The following SLC7A1 variants were observed in gnomAD, a reference collection of about 807,000 sequenced individuals.
The protein encoded by SLC7A1 is high affinity cationic amino acid transporter 1.
In SLC7A1, 10 loss-of-function variants were observed where a neutral mutation model predicts 53.9. The ratio of observed to expected loss-of-function variants is 0.19; its 90% CI spans 0.11 to 0.31. SLC7A1 has a LOEUF of 0.31. Ranked by LOEUF, SLC7A1 falls within the 10% of genes least tolerant of loss-of-function variation. The probability of loss-of-function intolerance (pLI) is 1.00; values close to 1 mark genes in which losing one functional copy is unlikely to be tolerated. For synonymous variants in SLC7A1, 342 were observed against 338.7 expected (o/e 1.01, Z -0.11); for missense variants, 525 against 827.2 (o/e 0.63, Z 4.48).
At chr13:29,514,699 T>C (rs915383508) in intron 12 of SLC7A1, 116 bp from the exon 13 acceptor site, 13 of 718,284 alleles carry the variant, frequency 1.8e-5, no homozygotes, top group Admixed American at 1.7e-4. Flanking sequence ...TGCCCCTGCC[T>C]GGCATGAGCC....
intron 12 of SLC7A1, among the ~76,000 whole-genome samples, chr13:29,514,905 C>T (rs1222495239): frequency 2.0e-5 from 3 of 152,210 alleles, no homozygotes; most frequent in South Asian, 4.1e-4. Context: ...CTGATGCCCC[C>T]GGAGGCCACG....
At chr13:29,537,049 C>T (rs893378524) in intron 2 of SLC7A1, among the ~76,000 whole-genome samples, 6 of 152,234 alleles carry the variant, frequency 3.9e-5, no homozygotes, top group East Asian at 3.8e-4. Context: ...CCACCTTGCC[C>T]GACCAGATGC....
chr13:29,525,546 AACAG>A (rs1316363408), intron 5 of SLC7A1, among the ~76,000 whole-genome samples: 6 of 152,210 alleles, frequency 3.9e-5, no homozygotes, highest in Non-Finnish European at 4.4e-5. Flanking sequence ...TGGCTGATAA[AACAG>A]ACAGACAGAC....
In SLC7A1 at chr13:29,510,534, C is replaced by G. The variant is rs1448419729; in HGVS notation, c.*3946G>C. The G allele has an allele frequency of 6.6e-6, 1 of 152,202 alleles. No individual in the cohort carries two copies. Among genetic ancestry groups the G allele is most frequent in the East Asian group, 1.9e-4 (1 of 5,192 alleles). 9.4% of individuals were successfully genotyped at this position (152,202 alleles called of 1,614,324 possible). Reference sequence around the variant, plus strand: ...TTTTAAATTACACGTAACAATTATACATAGTGTATATCCAGATCCGTCTGC... The same window carrying G: ...TTTTAAATTACACGTAACAATTATAGATAGTGTATATCCAGATCCGTCTGC... On this transcript the variant is annotated 3_prime_UTR_variant, in exon 13 of 13. Coordinates refer to ENST00000380752, the MANE Select transcript of SLC7A1 (RefSeq NM_003045.5).
At chr13:29,592,087 C>T (rs142371142) in intron 1 of SLC7A1, among the ~76,000 whole-genome samples, 1 of 152,302 alleles carries the variant, frequency 6.6e-6, no homozygotes, top group East Asian at 1.9e-4. Context: ...AAGCCAGGAG[C>T]GGTGCTGTTC....
At chr13:29,517,022 C>G in intron 11 of SLC7A1, 122 bp downstream of exon 11, 1 of 877,954 alleles carries the variant, frequency 1.1e-6, no homozygotes, top group East Asian at 2.7e-5. Flanking sequence ...TTACCTGAAG[C>G]TGGCTAGCAA....
intron 12 of SLC7A1, 61 bp from the exon 13 acceptor site, chr13:29,514,644 G>A: frequency 1.5e-6 from 2 of 1,320,664 alleles, no homozygotes; most frequent in South Asian, 2.5e-5. Context: ...CGCAGGCAGG[G>A]CTCAGAGCCC....
chr13:29,550,293 G>T (rs973702495), intron 2 of SLC7A1, among the ~76,000 whole-genome samples: 1 of 152,144 alleles, frequency 6.6e-6, no homozygotes, highest in Non-Finnish European at 1.5e-5. Context: ...TGGCTGCAAG[G>T]GTAAATGAGT....
At chr13:29,573,337 A>C (rs1205103767) in intron 1 of SLC7A1, among the ~76,000 whole-genome samples, 1 of 152,194 alleles carries the variant, frequency 6.6e-6, no homozygotes, top group African/African-American at 2.4e-5. Flanking sequence ...GCACACCCAG[A>C]GGCACGTGTT....
intron 1 of SLC7A1, among the ~76,000 whole-genome samples, chr13:29,577,649 C>A (rs1434009982): frequency 1.3e-5 from 2 of 152,218 alleles, no homozygotes; most frequent in African/African-American, 4.8e-5. Flanking sequence ...CTCTGACGGG[C>A]CTCTTGGCCA....
chr13:29,524,701 T>C (rs1868803799), intron 5 of SLC7A1, among the ~76,000 whole-genome samples: 1 of 152,110 alleles, frequency 6.6e-6, no homozygotes, highest in Admixed American at 6.5e-5. Flanking sequence ...CCAGAGAAAC[T>C]AAGGCTAAAA....
intron 2 of SLC7A1, among the ~76,000 whole-genome samples, chr13:29,551,367 CAGG>C (rs1275544876): frequency 4.6e-5 from 7 of 152,180 alleles, no homozygotes; most frequent in Non-Finnish European, 7.3e-5. Flanking sequence ...GAAAGGCCTC[CAGG>C]AGATGTGGCA....
At chr13:29,588,908 C>T (rs943481956) in intron 1 of SLC7A1, among the ~76,000 whole-genome samples, 2 of 152,224 alleles carry the variant, frequency 1.3e-5, no homozygotes, top group Non-Finnish European at 2.9e-5. Flanking sequence ...TCTCCTAACT[C>T]TAACTGCCAG....
intron 2 of SLC7A1, among the ~76,000 whole-genome samples, chr13:29,547,417 G>A (rs1025086306): frequency 6.6e-6 from 1 of 152,180 alleles, no homozygotes; most frequent in Non-Finnish European, 1.5e-5. Flanking sequence ...GATAGCAGAG[G>A]CCTGGAAAGG....
chr13:29,535,081 C>T (rs1408460133), intron 3 of SLC7A1, among the ~76,000 whole-genome samples: 1 of 152,156 alleles, frequency 6.6e-6, no homozygotes, highest in African/African-American at 2.4e-5. Flanking sequence ...TCAACAAAGG[C>T]CTTAAAAACA....
intron 1 of SLC7A1, among the ~76,000 whole-genome samples, chr13:29,582,852 T>A (rs1017560933): frequency 1.3e-5 from 2 of 152,216 alleles, no homozygotes; most frequent in African/African-American, 2.4e-5. Flanking sequence ...GTTCCTTCTA[T>A]CCTTACTGCC....
intron 2 of SLC7A1, among the ~76,000 whole-genome samples, chr13:29,550,421 C>A (rs1013032194): frequency 1.3e-5 from 2 of 152,224 alleles, no homozygotes; most frequent in Non-Finnish European, 2.9e-5. Flanking sequence ...CTTTTCAACT[C>A]CCCCTTTCAA....
intron 2 of SLC7A1, among the ~76,000 whole-genome samples, chr13:29,541,962 T>C (rs929165604): frequency 6.6e-6 from 1 of 152,182 alleles, no homozygotes. Flanking sequence ...AAAAAGTATA[T>C]CAAAATATTA....
intron 8 of SLC7A1, among the ~76,000 whole-genome samples, chr13:29,520,915 T>A (rs1868606741): frequency 6.6e-6 from 1 of 152,208 alleles, no homozygotes; most frequent in African/African-American, 2.4e-5. Flanking sequence ...AATACTTATT[T>A]ACCACTCCCA....
Sources: gnomAD v4.1 joint callset for allele counts (sites outside exome capture counted in the v4.1 genomes callset) on GRCh38, gnomAD v4.1.1 for gene constraint, MANE v1.5 for transcripts, NCBI Gene and HGNC (gene_info 2026-07-23, HGNC 2026-07-21) for gene names.